Variants in AKAP12 observed in about 807,000 individuals in gnomAD.
The protein encoded by AKAP12 is A-kinase anchoring protein 12.
A neutral mutation model predicts 79.9 loss-of-function variants in AKAP12; 32 were observed. The observed-to-expected ratio is 0.40, with a 90% CI of 0.30 to 0.54. AKAP12 has a LOEUF of 0.54. AKAP12 is among the 20% of genes least tolerant of loss of function. The pLI is 0.48. For missense variants in AKAP12, 2,074 were observed against 2,177.0 expected (o/e 0.95, Z 0.94); for synonymous variants, 808 against 857.0 (o/e 0.94, Z 1.00).
chr6:151,310,525 G>A (rs973521137), intron 3 of AKAP12, among the ~76,000 whole-genome samples: 3 of 152,172 alleles, frequency 2.0e-5, no homozygotes, highest in African/African-American at 7.2e-5. Flanking sequence ...TGGGGTCCAG[G>A]ATTTTGAGAT....
chr6:151,343,882 A>T, intron 3 of AKAP12: 1 of 433,072 alleles, frequency 2.3e-6, no homozygotes, highest in South Asian at 1.8e-5. Flanking sequence ...TCAGTTTATA[A>T]TAGGAACAAA....
At chr6:151,266,081 G>C (rs1797544576) in intron 2 of AKAP12, among the ~76,000 whole-genome samples, 1 of 152,140 alleles carries the variant, frequency 6.6e-6, no homozygotes, top group Non-Finnish European at 1.5e-5. Flanking sequence ...CAAAATATCT[G>C]GAATAAATGT....
chr6:151,240,203 T>G (rs1582824867), intron 1 of AKAP12, 144 bp downstream of exon 1: 8 of 165,920 alleles, frequency 4.8e-5, no homozygotes, highest in Non-Finnish European at 3.8e-5. Context: ...GAGGGCCGGG[T>G]GGGCGGCTGC....
rs572100473 is a variant in AKAP12, at chr6:151,272,255, G to A, written c.162+31531G>A. ...AGCTACTTAGGAGGACTAGGTGGAA[G>A]GATCCCTTGAGCCAAGGAGTTTGAA... On this transcript the variant is annotated intron_variant, in intron 2 of 4. Coordinates refer to ENST00000402676, the MANE Select transcript of AKAP12 (RefSeq NM_005100.4). 5.3e-5 allele frequency among the ~76,000 whole-genome samples: 8 copies of A among 150,994 alleles called. No homozygotes were observed. In the East Asian group the frequency reaches 1.6e-3, roughly 30 times the overall value.
intron 3 of AKAP12, among the ~76,000 whole-genome samples, chr6:151,313,442 T>C (rs570235941): frequency 3.2e-4 from 48 of 152,362 alleles, no homozygotes; most frequent in African/African-American, 1.1e-3. Context: ...TACTATGCTA[T>C]GCGATTTCTG....
intron 3 of AKAP12, among the ~76,000 whole-genome samples, chr6:151,310,563 A>G (rs1193204940): frequency 6.6e-6 from 1 of 151,930 alleles, no homozygotes; most frequent in African/African-American, 2.4e-5. Context: ...CCCTGTCTCT[A>G]TATTTTTTTT....
chr6:151,339,538 C>T, intron 3 of AKAP12, among the ~76,000 whole-genome samples: 1 of 152,206 alleles, frequency 6.6e-6, no homozygotes. Flanking sequence ...TCAACATTCC[C>T]CACCAGAATG....
intron 3 of AKAP12, chr6:151,323,808 C>T (rs1017507805): frequency 3.0e-6 from 3 of 985,386 alleles, no homozygotes; most frequent in Admixed American, 1.2e-4. Flanking sequence ...TTCTGCTCTG[C>T]AAGGGCAGAC....
intron 2 of AKAP12, among the ~76,000 whole-genome samples, chr6:151,263,567 A>ATTTTC (rs1038311955): frequency 1.3e-5 from 2 of 150,854 alleles, no homozygotes; most frequent in African/African-American, 4.9e-5. Flanking sequence ...CTCTTGAGAG[A>ATTTTC]TTTTCTTTTC....
In AKAP12 at chr6:151,357,718, T is replaced by A. The variant is rs1288472233; in HGVS notation, c.*2004T>A. 3 of 147,660 alleles carry A rather than the reference T, an allele frequency of 2.0e-5. No homozygotes were observed. The highest frequency in any genetic ancestry group is 7.3e-5 in the African/African-American group (3 of 40,832). 9.1% of individuals were successfully genotyped at this position (147,660 alleles called of 1,614,324 possible). ...CTGATATATATATATAATTTTTTTT[T>A]TTTTTTTTTTTTGGCCAACTGAGAT... On this transcript the variant is annotated 3_prime_UTR_variant, in exon 5 of 5. Coordinates refer to ENST00000402676, the MANE Select transcript of AKAP12 (RefSeq NM_005100.4).
At chr6:151,296,245 G>A (rs1159726526) in intron 2 of AKAP12, among the ~76,000 whole-genome samples, 22 of 152,062 alleles carry the variant, frequency 1.4e-4, no homozygotes, top group African/African-American at 2.4e-5. Context: ...TGCCCACCCC[G>A]GGATGCATCC....
rs1317581436 is a variant in AKAP12, at chr6:151,345,930, TGTGAGAGAGAGAGA to T, written c.320-2779_320-2766del. Among the ~76,000 whole-genome samples, 131 of 108,814 alleles carry T rather than the reference TGTGAGAGAGAGAGA, an allele frequency of 1.2e-3. 1 individual carries two copies. Among genetic ancestry groups the T allele is most frequent in the African/African-American group, 4.4e-3 (115 of 25,972 alleles). The allele number at this position is 108,814 out of a possible 152,430, so 71.4% of individuals were successfully genotyped here. A position where few individuals can be genotyped will look rare whatever the true frequency, so the allele number is the denominator to read the frequency against. On this transcript the variant is annotated intron_variant, in intron 3 of 4. Transcript: ENST00000402676. ...GTGTGTGTGTGTGTGTGTGTGTGTG[TGTGAGAGAGAGAGA>T]GAGAGAGAGAGAGAGAGAGAAAGGA...
intron 2 of AKAP12, among the ~76,000 whole-genome samples, chr6:151,290,777 G>A (rs984045610): frequency 6.6e-6 from 1 of 151,962 alleles, no homozygotes; most frequent in East Asian, 1.9e-4. Context: ...GGCTAATTTT[G>A]TATTTTATTT....
intron 4 of AKAP12, among the ~76,000 whole-genome samples, chr6:151,354,228 A>C (rs1778381575): frequency 6.6e-6 from 1 of 151,788 alleles, no homozygotes; most frequent in Non-Finnish European, 1.5e-5. Context: ...AGCTGATGAT[A>C]GCTCTTTCAG....
chr6:151,281,178 T>TA (rs1305181337), intron 2 of AKAP12, among the ~76,000 whole-genome samples: 1 of 152,188 alleles, frequency 6.6e-6, no homozygotes, highest in Non-Finnish European at 1.5e-5. Flanking sequence ...CTCAGCCACT[T>TA]ACATTAGATA....
At chr6:151,294,444 C>A (rs1289533001) in intron 2 of AKAP12, among the ~76,000 whole-genome samples, 1 of 152,174 alleles carries the variant, frequency 6.6e-6, no homozygotes, top group Admixed American at 6.5e-5. Flanking sequence ...CAGGAAGATA[C>A]CGGTTGTATC....
chr6:151,277,878 C>A (rs943842902), intron 2 of AKAP12, among the ~76,000 whole-genome samples: 1 of 152,024 alleles, frequency 6.6e-6, no homozygotes, highest in African/African-American at 2.4e-5. Flanking sequence ...CAGCATTAAT[C>A]ATTGAAATAC....
chr6:151,275,113 AT>A (rs1003330715), intron 2 of AKAP12, among the ~76,000 whole-genome samples: 9 of 150,438 alleles, frequency 6.0e-5, no homozygotes, highest in Non-Finnish European at 1.0e-4. Context: ...CAAAAAAAAA[AT>A]TTTTTTTTAA....
intron 4 of AKAP12, among the ~76,000 whole-genome samples, chr6:151,354,347 A>ACC (rs11273060): frequency 1.4e-5 from 2 of 147,136 alleles, no homozygotes; most frequent in African/African-American, 4.9e-5. Context: ...GTTGCTAGTA[A>ACC]CTCCCCATCT....
Sources: allele counts gnomAD v4.1 joint callset (sites outside exome capture counted in the v4.1 genomes callset), GRCh38; gene constraint gnomAD v4.1.1; transcripts MANE v1.5; gene names NCBI Gene and HGNC (gene_info 2026-07-23, HGNC 2026-07-21).